Variants in GULP1 observed in about 807,000 individuals in gnomAD.
The protein encoded by GULP1 is PTB domain-containing engulfment adapter protein 1.
A neutral mutation model predicts 40.9 loss-of-function variants in GULP1; 19 were observed. That is an observed-to-expected ratio of 0.46 (90% CI 0.32 to 0.68). The LOEUF (loss-of-function observed/expected upper bound fraction) is 0.68. Among genes scored for constraint, GULP1 ranks in the 30% least tolerant of loss-of-function variants. The pLI is 0.03. For synonymous variants in GULP1, 119 were observed against 117.6 expected (o/e 1.01, Z -0.08); for missense variants, 312 against 362.2 (o/e 0.86, Z 1.12).
chr2:188,569,758 G>A (rs1298198450), intron 8 of GULP1: 2 of 355,890 alleles, frequency 5.6e-6, no homozygotes, highest in African/African-American at 4.3e-5. Flanking sequence ...CCAAGATTAT[G>A]GGTATAGATT....
intron 1 of GULP1, among the ~76,000 whole-genome samples, chr2:188,302,976 A>T (rs987622406): frequency 3.9e-5 from 6 of 152,084 alleles, no homozygotes; most frequent in Non-Finnish European, 8.8e-5. Context: ...TTTCTTACTC[A>T]CTGCAAAAAC....
At chr2:188,399,073 A>T (rs930537613) in intron 2 of GULP1, among the ~76,000 whole-genome samples, 1 of 152,236 alleles carries the variant, frequency 6.6e-6, no homozygotes, top group Non-Finnish European at 1.5e-5. Flanking sequence ...TGTGCTATGT[A>T]CTAATCACAT....
At chr2:188,499,559 G>A (rs571750226) in intron 4 of GULP1, among the ~76,000 whole-genome samples, 1 of 151,646 alleles carries the variant, frequency 6.6e-6, no homozygotes, top group East Asian at 2.0e-4. Context: ...TACATTCCAG[G>A]GAAGTAGTCA....
intron 1 of GULP1, among the ~76,000 whole-genome samples, chr2:188,316,812 G>T (rs1419811952): frequency 6.6e-6 from 1 of 152,106 alleles, no homozygotes; most frequent in African/African-American, 2.4e-5. Flanking sequence ...AGTAGAGATT[G>T]CTGTGCATTT....
intron 1 of GULP1, among the ~76,000 whole-genome samples, chr2:188,360,594 T>C (rs2045948638): frequency 1.3e-5 from 2 of 152,272 alleles, no homozygotes; most frequent in Non-Finnish European, 2.9e-5. Context: ...GTTGACTAAG[T>C]AAGTGGTGAA....
chr2:188,314,520 A>G (rs4128404), intron 1 of GULP1, among the ~76,000 whole-genome samples: 22,995 of 152,078 alleles, frequency 0.15, 1,888 homozygotes, highest in African/African-American at 0.17. Flanking sequence ...GCCTCAGCCA[A>G]ATTTGTAGTC....
chr2:188,527,659 G>A (rs558401363), intron 5 of GULP1, among the ~76,000 whole-genome samples: 24 of 152,274 alleles, frequency 1.6e-4, no homozygotes, highest in Admixed American at 4.6e-4. Context: ...TAAGTTCGTA[G>A]AGCAAGACAG....
intron 7 of GULP1, among the ~76,000 whole-genome samples, chr2:188,566,478 A>C (rs1304185907): frequency 1.3e-5 from 2 of 152,128 alleles, no homozygotes; most frequent in Non-Finnish European, 2.9e-5. Context: ...TTACCATTTA[A>C]ATGATTCTTT....
chr2:188,588,154 A>G (rs1223346701), intron 11 of GULP1: 4 of 572,772 alleles, frequency 7.0e-6, no homozygotes, highest in African/African-American at 3.8e-5. Flanking sequence ...GGTTTTTTAA[A>G]TGGTTCAATT....
At chr2:188,517,397 C>G (rs1440067032) in intron 4 of GULP1, among the ~76,000 whole-genome samples, 6 of 151,988 alleles carry the variant, frequency 3.9e-5, no homozygotes, top group Non-Finnish European at 7.4e-5. Flanking sequence ...GCTACTTTTT[C>G]TAGCATCCTG....
chr2:188,332,610 G>C (rs747582651), intron 1 of GULP1, among the ~76,000 whole-genome samples: 1 of 152,138 alleles, frequency 6.6e-6, no homozygotes, highest in Non-Finnish European at 1.5e-5. Flanking sequence ...ATAAATAACA[G>C]ATGTGCTGTC....
intron 4 of GULP1, among the ~76,000 whole-genome samples, chr2:188,516,028 T>C (rs1159185167): frequency 6.6e-6 from 1 of 152,208 alleles, no homozygotes; most frequent in Non-Finnish European, 1.5e-5. Context: ...TGCATTTTGC[T>C]TTCCTGTCTT....
At chr2:188,298,168 G>T (rs72905578) in intron 1 of GULP1, among the ~76,000 whole-genome samples, 2,152 of 152,096 alleles carry the variant, frequency 0.014, 17 homozygotes, top group Non-Finnish European at 0.02. Flanking sequence ...GACTTTGGTT[G>T]ATGATCAAAC....
intron 1 of GULP1, among the ~76,000 whole-genome samples, chr2:188,358,873 GTAAA>G (rs1419837362): frequency 1.3e-5 from 2 of 152,046 alleles, no homozygotes; most frequent in Non-Finnish European, 2.9e-5. Context: ...TTTCTAATGA[GTAAA>G]TATTAAGTAA....
At chr2:188,526,107 G>T (rs1340500495) in intron 5 of GULP1, among the ~76,000 whole-genome samples, 1 of 152,034 alleles carries the variant, frequency 6.6e-6, no homozygotes, top group Non-Finnish European at 1.5e-5. Flanking sequence ...TATATAATAA[G>T]ATTGAAACTC....
chr2:188,522,261 A>C (rs2065862093), intron 4 of GULP1, among the ~76,000 whole-genome samples: 1 of 152,186 alleles, frequency 6.6e-6, no homozygotes, highest in African/African-American at 2.4e-5. Flanking sequence ...TACTTGAAAA[A>C]AAAAGCTAAT....
intron 4 of GULP1, chr2:188,491,612 G>A (rs1054579090): frequency 6.6e-6 from 1 of 152,052 alleles, no homozygotes. Flanking sequence ...AAAGCAATTT[G>A]CCTCCAGATT....
chr2:188,564,235 C>T (rs958857706), intron 7 of GULP1, among the ~76,000 whole-genome samples: 7 of 151,760 alleles, frequency 4.6e-5, no homozygotes, highest in African/African-American at 1.5e-4. Context: ...ACCTATTTAA[C>T]GTGGTATTAG....
intron 2 of GULP1, among the ~76,000 whole-genome samples, chr2:188,447,152 A>C (rs1414968765): frequency 6.6e-6 from 1 of 152,198 alleles, no homozygotes; most frequent in Non-Finnish European, 1.5e-5. Flanking sequence ...TATCAATAGA[A>C]AGGAAAAGGA....
Sources: gnomAD v4.1 joint callset for allele counts (sites outside exome capture counted in the v4.1 genomes callset) on GRCh38, gnomAD v4.1.1 for gene constraint, MANE v1.5 for transcripts, NCBI Gene and HGNC (gene_info 2026-07-23, HGNC 2026-07-21) for gene names.